SPOCK1: variants seen among roughly 807,000 people sequenced by gnomAD.
The protein encoded by SPOCK1 is testican-1.
SPOCK1 carries 23 observed loss-of-function variants against 55.3 expected under a neutral mutation model. That is an observed-to-expected ratio of 0.42 (90% confidence interval 0.30 to 0.59). SPOCK1 has a LOEUF of 0.59. Ranked by LOEUF, SPOCK1 falls within the 20% of genes least tolerant of loss-of-function variation. SPOCK1 has a pLI of 0.22. For missense variants in SPOCK1, 499 were observed against 552.5 expected (o/e 0.90, Z 0.97); for synonymous variants, 226 against 221.0 (o/e 1.02, Z -0.20).
intron 3 of SPOCK1, among the ~76,000 whole-genome samples, chr5:137,230,134 G>A (rs1207119404): frequency 6.6e-6 from 1 of 152,194 alleles, no homozygotes; most frequent in Non-Finnish European, 1.5e-5. Flanking sequence ...AACATCTTTT[G>A]GCAACAACCT....
chr5:137,400,550 G>GA (rs1438994272), intron 2 of SPOCK1, among the ~76,000 whole-genome samples: 3 of 152,124 alleles, frequency 2.0e-5, no homozygotes, highest in Admixed American at 6.5e-5. Context: ...GTATTTCCTA[G>GA]AAAAAAAGTG....
chr5:137,189,198 T>C (rs1022591727), intron 3 of SPOCK1, among the ~76,000 whole-genome samples: 3 of 152,188 alleles, frequency 2.0e-5, no homozygotes, highest in African/African-American at 7.2e-5. Flanking sequence ...AGAGAATTGG[T>C]GAAGGTGGCT....
chr5:137,004,155 C>T (rs1751200033), intron 6 of SPOCK1, among the ~76,000 whole-genome samples: 1 of 152,094 alleles, frequency 6.6e-6, no homozygotes, highest in Non-Finnish European at 1.5e-5. Flanking sequence ...TGGTGGACAT[C>T]GAGCTGGAGT....
At chr5:137,128,934 C>T (rs906143207) in intron 4 of SPOCK1, among the ~76,000 whole-genome samples, 6 of 152,178 alleles carry the variant, frequency 3.9e-5, no homozygotes, top group Non-Finnish European at 5.9e-5. Flanking sequence ...ATGAGGATAT[C>T]GTTAGGATTT....
chr5:137,384,960 G>A (rs1012826378), intron 2 of SPOCK1, among the ~76,000 whole-genome samples: 1 of 152,142 alleles, frequency 6.6e-6, no homozygotes, highest in Admixed American at 6.6e-5. Context: ...TGTAGGATGG[G>A]GGGGGCGGTG....
In SPOCK1 at chr5:137,318,468, T is replaced by G. The variant is rs75693473; in HGVS notation, c.187-51413A>C. The stretch of plus-strand genomic sequence containing the variant: ...GGACCACCTGATTATAATGAGGGGT[T>G]TGTCTGTCTTCTCAGCCCAGTCTCC... On this transcript the variant is annotated intron_variant, in intron 2 of 10. Coordinates refer to ENST00000394945, the MANE Select transcript of SPOCK1 (RefSeq NM_004598.4). Among the ~76,000 whole-genome samples, 568 of 152,306 alleles carry G rather than the reference T, an allele frequency of 3.7e-3. 9 individuals carry two copies. The highest frequency in any genetic ancestry group is 0.014 in the Middle Eastern group (4 of 294).
intron 2 of SPOCK1, among the ~76,000 whole-genome samples, chr5:137,331,805 G>C (rs748845577): frequency 6.6e-6 from 1 of 151,954 alleles, no homozygotes; most frequent in Non-Finnish European, 1.5e-5. Flanking sequence ...TCCAACCCTG[G>C]GAATCACATT....
rs1005943274 is a variant in SPOCK1 at position 137,265,693 on chromosome 5, G to C, written c.232+1317C>G. On this transcript the variant is annotated intron_variant, in intron 3 of 10. Coordinates refer to ENST00000394945, the MANE Select transcript of SPOCK1 (RefSeq NM_004598.4). ...TACCACTCTAAGGCTGCTAAGATATGTATAGTCCAGATAGAGCCTCCAAAG... is the reference window on the plus strand; with the variant it reads ...TACCACTCTAAGGCTGCTAAGATATCTATAGTCCAGATAGAGCCTCCAAAG... 1.4e-4 allele frequency among the ~76,000 whole-genome samples: 21 copies of C among 152,316 alleles called. No individual in the cohort carries two copies. In the Middle Eastern group the frequency reaches 0.01, roughly 74 times the overall value.
At chr5:137,036,331 T>C (rs951261479) in intron 6 of SPOCK1, among the ~76,000 whole-genome samples, 16 of 152,092 alleles carry the variant, frequency 1.1e-4, no homozygotes, top group African/African-American at 3.9e-4. Context: ...TGGAGAAGGT[T>C]TGCAGGTAAG....
chr5:137,498,247 C>A lies in SPOCK1; in HGVS notation c.186+126G>T, dbSNP rs189405063. 6,129 of 981,528 alleles carry A rather than the reference C, an allele frequency of 6.2e-3. 28 individuals are homozygous for A. The highest frequency in any genetic ancestry group is 7.8e-3 in the Non-Finnish European group (5,819 of 745,064). 60.8% of individuals were successfully genotyped at this position (981,528 alleles called of 1,614,324 possible). On this transcript the variant is annotated intron_variant, in intron 2 of 10. Transcript: ENST00000394945. ...ACCGACCAGCCCCCGCGGGAGATGCCCACCTGTCCCCCTCCCAACCACACA... is the reference window on the plus strand; with the variant it reads ...ACCGACCAGCCCCCGCGGGAGATGCACACCTGTCCCCCTCCCAACCACACA...
intron 2 of SPOCK1, among the ~76,000 whole-genome samples, chr5:137,461,171 G>T (rs1365288242): frequency 2.6e-5 from 4 of 152,202 alleles, no homozygotes; most frequent in Non-Finnish European, 5.9e-5. Context: ...GCACATATTA[G>T]TGCTCAATAC....
intron 3 of SPOCK1, among the ~76,000 whole-genome samples, chr5:137,192,508 G>A (rs986538135): frequency 1.3e-5 from 2 of 152,156 alleles, no homozygotes; most frequent in African/African-American, 4.8e-5. Context: ...TCCCACTCCT[G>A]AGACTGCCTC....
At chr5:137,155,035 T>C (rs1754388969) in intron 3 of SPOCK1, among the ~76,000 whole-genome samples, 1 of 151,978 alleles carries the variant, frequency 6.6e-6, no homozygotes, top group Admixed American at 6.6e-5. Context: ...TAAAGAGGAG[T>C]GGTAACATCT....
chr5:137,353,222 A>G (rs1018374562), intron 2 of SPOCK1, among the ~76,000 whole-genome samples: 1 of 152,146 alleles, frequency 6.6e-6, no homozygotes, highest in South Asian at 2.1e-4. Context: ...TCTGCAAAAA[A>G]ATACAAAAAT....
At chr5:136,990,010 G>C (rs369838311) in intron 7 of SPOCK1, among the ~76,000 whole-genome samples, 1 of 151,886 alleles carries the variant, frequency 6.6e-6, no homozygotes, top group Admixed American at 6.6e-5. Flanking sequence ...TCCCGGGTTC[G>C]CACCATTCTC....
rs1247011558 is a variant in SPOCK1 at position 137,457,430 on chromosome 5, G to A, written c.186+40943C>T. Among the ~76,000 whole-genome samples the A allele has an allele frequency of 3.3e-5, 5 of 152,152 alleles. No homozygotes were observed. In the East Asian group the frequency reaches 9.6e-4, roughly 29 times the overall value. On this transcript the variant is annotated intron_variant, in intron 2 of 10. Coordinates refer to ENST00000394945, the MANE Select transcript of SPOCK1 (RefSeq NM_004598.4). ...AGCATGAGCAGCTTTCAGACTCAAC[G>A]TCACTTTTCGAGATTTTTGTTTTCA...
intron 2 of SPOCK1, among the ~76,000 whole-genome samples, chr5:137,368,146 C>A (rs1245399569): frequency 6.6e-6 from 1 of 152,202 alleles, no homozygotes; most frequent in African/African-American, 2.4e-5. Context: ...ACCTAACAGT[C>A]ACAAAGATTG....
At chr5:137,371,220 T>C (rs2127170803) in intron 2 of SPOCK1, among the ~76,000 whole-genome samples, 1 of 152,346 alleles carries the variant, frequency 6.6e-6, no homozygotes, top group South Asian at 2.1e-4. Flanking sequence ...CTGACCTAGA[T>C]TCAAGGCTCA....
At chr5:137,310,530 C>CAGCAACAT (rs796345145) in intron 2 of SPOCK1, among the ~76,000 whole-genome samples, 1 of 152,328 alleles carries the variant, frequency 6.6e-6, no homozygotes, top group African/African-American at 2.4e-5. Context: ...ATCATCAAAA[C>CAGCAACAT]AGCAACATAT....
Sources: allele counts gnomAD v4.1 joint callset (sites outside exome capture counted in the v4.1 genomes callset), GRCh38; gene constraint gnomAD v4.1.1; transcripts MANE v1.5; gene names NCBI Gene and HGNC (gene_info 2026-07-23, HGNC 2026-07-21).